HTR1F: variants seen among roughly 807,000 people sequenced by gnomAD.
HTR1F encodes 5-hydroxytryptamine receptor 1F.
In HTR1F, 17 loss-of-function variants were observed where a neutral mutation model predicts 24.0. The ratio of observed to expected loss-of-function variants is 0.71; its 90% confidence interval spans 0.48 to 1.06. HTR1F has a LOEUF of 1.06. Among genes scored for constraint, HTR1F ranks in the 50% least tolerant of loss-of-function variants. The pLI is 0.00. For synonymous variants in HTR1F, 186 were observed against 156.8 expected, an observed-to-expected ratio of 1.19 and a Z score of -1.39; for missense variants, 391 against 427.8, an observed-to-expected ratio of 0.91 and a Z score of 0.76.
intron 2 of HTR1F, among the ~76,000 whole-genome samples, chr3:87,872,098 A>C (rs1227213159): frequency 3.9e-5 from 6 of 152,156 alleles, no homozygotes; most frequent in Admixed American, 3.3e-4. Flanking sequence ...TCAATAACAA[A>C]AGAAACATTG....
rs115464833 is a variant in HTR1F, at chr3:87,979,561, A to G, written c.-42-11147A>G. ...TTCCACAGATCCTGGATGAGCCCCT[A>G]AAAATGTCACAAGATCCTTAGGTTG... is the stretch of plus-strand genomic sequence containing the variant. On this transcript the variant is annotated intron_variant, in intron 2 of 2. Coordinates refer to ENST00000319595, the MANE Select transcript of HTR1F (RefSeq NM_001322209.2). 9.4e-3 allele frequency among the ~76,000 whole-genome samples: 1,425 copies of G among 152,310 alleles called. 7 individuals carry two copies. Among genetic ancestry groups the G allele is most frequent in the Non-Finnish European group, 0.013 (914 of 68,012 alleles).
intron 2 of HTR1F, among the ~76,000 whole-genome samples, chr3:87,848,197 T>A (rs1174916465): frequency 1.3e-5 from 2 of 151,924 alleles, no homozygotes; most frequent in South Asian, 2.1e-4. Flanking sequence ...GTCTTTTTGA[T>A]AATAGCCATT....
At chr3:87,839,365 A>G (rs904040431) in intron 2 of HTR1F, among the ~76,000 whole-genome samples, 1 of 152,056 alleles carries the variant, frequency 6.6e-6, no homozygotes, top group African/African-American at 2.4e-5. Flanking sequence ...AACTTTATCA[A>G]AAATGTATGG....
chr3:87,990,829 C>A lies in HTR1F; in HGVS notation c.80C>A (p.Ser27Tyr). Reference sequence around the variant, plus strand: ...AGAATGCCATCCAAAATTCTGGTGTCCCTCACTCTGTCTGGGCTGGCACTG... The same window carrying A: ...AGAATGCCATCCAAAATTCTGGTGTACCTCACTCTGTCTGGGCTGGCACTG... Reference protein sequence around the residue: ...LNRMPSKILVSLTLSGLALMT... With the variant: ...LNRMPSKILVYLTLSGLALMT... Residue 27 changes from serine to tyrosine, a missense_variant, in exon 3 of 3, where the codon TCC becomes TAC. Ser to Tyr is a moderately radical substitution (Grantham distance 144). Coordinates refer to ENST00000319595, the MANE Select transcript of HTR1F (RefSeq NM_001322209.2). 1 of 1,614,030 alleles carries A rather than the reference C, an allele frequency of 6.2e-7. No individual in the cohort carries two copies. The highest frequency in any genetic ancestry group is 8.5e-7 in the Non-Finnish European group (1 of 1,179,882).
At chr3:87,845,254 A>T (rs1037265976) in intron 2 of HTR1F, among the ~76,000 whole-genome samples, 1 of 151,784 alleles carries the variant, frequency 6.6e-6, no homozygotes, top group Non-Finnish European at 1.5e-5. Context: ...AGGAGAAGGA[A>T]ATAAAGGGTA....
At chr3:87,920,063 C>T (rs1231127051) in intron 2 of HTR1F, among the ~76,000 whole-genome samples, 1 of 136,564 alleles carries the variant, frequency 7.3e-6, no homozygotes, top group African/African-American at 2.8e-5. Flanking sequence ...TAGAATACTA[C>T]TCAGCCATAA....
At chr3:87,820,512 C>A (rs1236252827) in intron 1 of HTR1F, among the ~76,000 whole-genome samples, 1 of 152,098 alleles carries the variant, frequency 6.6e-6, no homozygotes, top group East Asian at 1.9e-4. Context: ...CCCAATATGA[C>A]ATCAAGATGT....
chr3:87,819,949 A>G lies in HTR1F; in HGVS notation c.-159-2059A>G, dbSNP rs191275393. Among the ~76,000 whole-genome samples, 458 of 152,252 alleles carry G rather than the reference A, an allele frequency of 3.0e-3. 2 individuals carry two copies. Among genetic ancestry groups the G allele is most frequent in the Middle Eastern group, 0.01 (3 of 290 alleles). On this transcript the variant is annotated intron_variant, in intron 1 of 2. Transcript: ENST00000319595. ...TCTTAAAATTATTGGGCCAGTTTTCAAGGTTATTACAATGCTATATATAAG... is the reference window on the plus strand; with the variant it reads ...TCTTAAAATTATTGGGCCAGTTTTCGAGGTTATTACAATGCTATATATAAG...
intron 2 of HTR1F, among the ~76,000 whole-genome samples, chr3:87,845,562 C>A (rs909569383): frequency 1.3e-5 from 2 of 149,990 alleles, no homozygotes; most frequent in African/African-American, 5.0e-5. Context: ...AACTACAAAC[C>A]ACTGCTCAAG....
chr3:87,830,645 CATT>C (rs1704555437), intron 2 of HTR1F, among the ~76,000 whole-genome samples: 2 of 152,068 alleles, frequency 1.3e-5, no homozygotes, highest in Non-Finnish European at 2.9e-5. Flanking sequence ...GAGAAGATCT[CATT>C]AAAGTGTATT....
In HTR1F at chr3:87,991,805, A is replaced by G. The variant is rs1705841423; in HGVS notation, c.1056A>G (p.Glu352=). Residue 352 remains glutamate (E), a synonymous_variant, in exon 3 of 3, where the codon GAA becomes GAG. Coordinates refer to ENST00000319595, the MANE Select transcript of HTR1F (RefSeq NM_001322209.2). The stretch of plus-strand genomic sequence containing the variant: ...CACTGATTTACACAATCTTTAATGA[A>G]GACTTCAAGAAAGCATTCCAAAAGC... ...INPLIYTIFN[E]DFKKAFQKLV... The G allele has an allele frequency of 1.9e-6, 3 of 1,599,652 alleles. No homozygotes were observed. Among genetic ancestry groups the G allele is most frequent in the Non-Finnish European group, 2.6e-6 (3 of 1,174,146 alleles).
chr3:87,826,972 G>A (rs771557115), intron 2 of HTR1F, among the ~76,000 whole-genome samples: 1 of 151,920 alleles, frequency 6.6e-6, no homozygotes, highest in East Asian at 1.9e-4. Flanking sequence ...CACCATGCCC[G>A]GCTAATTTGT....
chr3:87,968,908 C>T (rs1305806652), intron 2 of HTR1F, among the ~76,000 whole-genome samples: 6 of 152,180 alleles, frequency 3.9e-5, no homozygotes, highest in African/African-American at 1.2e-4. Context: ...GGACTTGGTA[C>T]TCGGCATCCC....
chr3:87,856,269 C>A (rs1705195774), intron 2 of HTR1F, among the ~76,000 whole-genome samples: 1 of 151,850 alleles, frequency 6.6e-6, no homozygotes, highest in South Asian at 2.1e-4. Flanking sequence ...TTTCAGGAAT[C>A]CACTGGGAGT....
At position 87,990,988 on chromosome 3, in the gene HTR1F, G is replaced by C. The variant is rs749705512; in HGVS notation, c.239G>C (p.Ser80Thr). 3.7e-6 allele frequency: 6 copies of C among 1,614,154 alleles called. No individual in the cohort carries two copies. Reference protein sequence around the residue: ...FLVAVLVMPFSIVYIVRESWI... With the variant: ...FLVAVLVMPFTIVYIVRESWI... ...GTGGCTGTCCTGGTGATGCCCTTCA[G>C]CATTGTGTATATTGTGAGAGAGAGC... The change falls in exon 3 of 3, where the codon AGC becomes ACC. Residue 80 changes from serine to threonine, a missense_variant. Transcript: ENST00000319595.
At chr3:87,988,943 T>A (rs150492584) in intron 2 of HTR1F, among the ~76,000 whole-genome samples, 1 of 152,090 alleles carries the variant, frequency 6.6e-6, no homozygotes, top group Non-Finnish European at 1.5e-5. Flanking sequence ...TATGAAGTAC[T>A]TGATATAAAA....
At chr3:87,831,980 T>C (rs1704589120) in intron 2 of HTR1F, among the ~76,000 whole-genome samples, 1 of 152,156 alleles carries the variant, frequency 6.6e-6, no homozygotes, top group African/African-American at 2.4e-5. Context: ...CTATTAACAG[T>C]ACGATAGGTA....
At chr3:87,938,586 C>T (rs781544253) in intron 2 of HTR1F, among the ~76,000 whole-genome samples, 4 of 152,118 alleles carry the variant, frequency 2.6e-5, no homozygotes, top group Non-Finnish European at 4.4e-5. Context: ...GGTACAAAAA[C>T]TGACACATAG....
intron 2 of HTR1F, among the ~76,000 whole-genome samples, chr3:87,954,201 T>C (rs1704895533): frequency 6.6e-6 from 1 of 151,802 alleles, no homozygotes; most frequent in Non-Finnish European, 1.5e-5. Flanking sequence ...GACATGAATG[T>C]TCACAACAAA....
Sources: gnomAD v4.1 joint callset for allele counts (sites outside exome capture counted in the v4.1 genomes callset) on GRCh38, gnomAD v4.1.1 for gene constraint, MANE v1.5 for transcripts, NCBI Gene and HGNC (gene_info 2026-07-23, HGNC 2026-07-21) for gene names.